The following UBA52 variants were observed in gnomAD, a reference collection of about 807,000 sequenced individuals.
UBA52 encodes the protein ubiquitin A-52 residue ribosomal protein fusion product 1.
Under a neutral mutation model 15.3 loss-of-function variants are expected in UBA52, and 1 was observed. The observed-to-expected ratio is 0.07, with a 90% confidence interval of 0.02 to 0.31. UBA52 has a LOEUF of 0.31. Among genes scored for constraint, UBA52 ranks in the 10% least tolerant of loss-of-function variants. UBA52 has a pLI of 1.00. For synonymous variants in UBA52, 50 were observed against 58.3 expected (o/e 0.86, Z 0.65); for missense variants, 87 against 168.0 (o/e 0.52, Z 2.66).
At chr19:18,565,704 T>C in the UBA52 span, among the ~76,000 whole-genome samples, 3 of 151,728 alleles carry the variant, frequency 2.0e-5, no homozygotes, top group African/African-American at 7.3e-5. Context: ...TGTTTTATTT[T>C]TGAGGTGGAG....
upstream of UBA52, chr19:18,568,719 C>T (rs912473500): frequency 1.3e-5 from 13 of 1,002,856 alleles, no homozygotes; most frequent in Non-Finnish European, 1.5e-5. Flanking sequence ...TCATCCAGGG[C>T]TCCTTTGCTG....
chr19:18,573,068 G>A, intron 1 of UBA52: 1 of 1,308,838 alleles, frequency 7.6e-7, no homozygotes, highest in African/African-American at 1.5e-5. Context: ...GGAGGGTGGA[G>A]GACATGTGGT....
chr19:18,565,230 G>T, the UBA52 span: 154 of 1,090,494 alleles, frequency 1.4e-4, no homozygotes, highest in South Asian at 9.4e-4. Flanking sequence ...TCGAGACAGA[G>T]TTTTTTTTTT....
At chr19:18,567,093 T>C, upstream of UBA52, 1 of 1,609,548 alleles carries the variant, frequency 6.2e-7, no homozygotes, top group Non-Finnish European at 8.5e-7. Context: ...GCCTACCTGC[T>C]CAGCAGGTTA....
chr19:18,564,540 A>G, the UBA52 span, among the ~76,000 whole-genome samples: 2 of 152,196 alleles, frequency 1.3e-5, no homozygotes, highest in African/African-American at 2.4e-5. Context: ...GGAGAATGGT[A>G]TGAACCTGGG....
At chr19:18,570,507 C>CCT (rs1555752290), upstream of UBA52, among the ~76,000 whole-genome samples, 2,452 of 44,792 alleles carry the variant, frequency 0.055, 305 homozygotes, top group Admixed American at 0.089. Flanking sequence ...CGCCGTGGCA[C>CCT]TTTTTTTTTT....
At chr19:18,573,446 G>A (rs1975609457) in intron 2 of UBA52, 43 bp downstream of exon 2, 2 of 1,532,052 alleles carry the variant, frequency 1.3e-6, no homozygotes, top group Non-Finnish European at 1.8e-6. Flanking sequence ...TGAACTGGGA[G>A]TCCCTCTCTG....
chr19:18,565,454 G>A, the UBA52 span, among the ~76,000 whole-genome samples: 1 of 152,092 alleles, frequency 6.6e-6, no homozygotes, highest in African/African-American at 2.4e-5. Flanking sequence ...GGATGGTCTC[G>A]ATCTCCTGAC....
chr19:18,572,268 C>A (rs781519213), intron 1 of UBA52: 1 of 152,300 alleles, frequency 6.6e-6, no homozygotes, highest in Non-Finnish European at 1.5e-5. Context: ...TCATACCTGG[C>A]TCCATTACTA....
chr19:18,573,149 G>A, intron 1 of UBA52, 144 bp from the exon 2 acceptor site: 1 of 1,100,808 alleles, frequency 9.1e-7, no homozygotes, highest in Non-Finnish European at 1.3e-6. Flanking sequence ...AGGCTTGGAG[G>A]AGTGAAAGGA....
chr19:18,568,676 C>G (rs763870724), upstream of UBA52: 6 of 1,471,688 alleles, frequency 4.1e-6, no homozygotes, highest in Non-Finnish European at 5.6e-6. Context: ...CAGCAGCATA[C>G]AAGGTGGCAG....
Position 18,575,408 on chromosome 19 carries a change from A to T in UBA52, c.*258A>T. 2.0e-6 allele frequency: 1 copy of T among 491,424 alleles called. No individual in the cohort carries two copies. The highest frequency in any genetic ancestry group is 3.7e-6 in the Non-Finnish European group (1 of 269,368). 30.4% of individuals were successfully genotyped at this position (491,424 alleles called of 1,614,324 possible). ...CTATGCCCCTGACTCTGGATTTGTC[A>T]TCTGTAAAACTGGAGTAAAAACCTC... is the stretch of plus-strand genomic sequence containing the variant. On this transcript the variant is annotated 3_prime_UTR_variant, in exon 5 of 5. Transcript: ENST00000442744.
rs2302055 is a variant in UBA52, at chr19:18,573,753, C to T, written c.190+5C>T. 0.55 allele frequency: 883,185 copies of T among 1,612,646 alleles called. 248,726 individuals are homozygous for T. The highest frequency in any genetic ancestry group is 0.66 in the East Asian group (29,688 of 44,852). On this transcript the variant is annotated splice_donor_5th_base_variant and intron_variant, in intron 3 of 4. Transcript: ENST00000442744. Reference sequence around the variant, plus strand: ...CAGACTACAACATCCAGAAAGGTACCGGGGTTGGGGTTGCTGGGCAGGGAC... The same window carrying T: ...CAGACTACAACATCCAGAAAGGTACTGGGGTTGGGGTTGCTGGGCAGGGAC...
upstream of UBA52, chr19:18,568,686 G>T: frequency 7.2e-7 from 1 of 1,385,670 alleles, no homozygotes. Flanking sequence ...CAAGGTGGCA[G>T]CGGGTAACCC....
At chr19:18,570,533 G>A (rs886248723), upstream of UBA52, among the ~76,000 whole-genome samples, 1 of 94,728 alleles carries the variant, frequency 1.1e-5, no homozygotes, top group African/African-American at 4.1e-5. Flanking sequence ...TTTTTTTTGA[G>A]ATGGAGTCTC....
At chr19:18,567,107 C>T (rs750764176), upstream of UBA52, 103 of 1,613,192 alleles carry the variant, frequency 6.4e-5, 3 homozygotes, top group Middle Eastern at 1.2e-3. Context: ...CAGGTTAAGC[C>T]CTGTGTGCCT....
chr19:18,574,741 G>A (rs1163328734), intron 3 of UBA52, 129 bp from the exon 4 acceptor site: 5 of 1,192,166 alleles, frequency 4.2e-6, no homozygotes, highest in Non-Finnish European at 4.7e-6. Flanking sequence ...AGAACACTCG[G>A]GGGATCCCGA....
chr19:18,573,708 G>A lies in UBA52; in HGVS notation c.150G>A (p.Leu50=). ...GTCTGATATTTGCCGGCAAACAGCT[G>A]GAGGATGGCCGCACTCTCTCAGACT... ...QQRLIFAGKQ[L]EDGRTLSDYN... The change falls in exon 3 of 5, where the codon CTG becomes CTA. Residue 50 remains leucine (L), a synonymous_variant. Coordinates refer to ENST00000442744, the MANE Select transcript of UBA52 (RefSeq NM_001033930.3). The A allele has an allele frequency of 6.2e-7, 1 of 1,614,138 alleles. No individual in the cohort carries two copies. Among genetic ancestry groups the A allele is most frequent in the Non-Finnish European group, 8.5e-7 (1 of 1,180,024 alleles).
upstream of UBA52, among the ~76,000 whole-genome samples, chr19:18,567,603 T>G (rs1057040171): frequency 6.6e-6 from 1 of 152,110 alleles, no homozygotes; most frequent in Admixed American, 6.5e-5. Flanking sequence ...CACCGTTTCA[T>G]GGAGAGGGAA....
Sources: gnomAD v4.1 joint callset for allele counts (sites outside exome capture counted in the v4.1 genomes callset) on GRCh38, gnomAD v4.1.1 for gene constraint, MANE v1.5 for transcripts, NCBI Gene and HGNC (gene_info 2026-07-23, HGNC 2026-07-21) for gene names.